The following SLC2A5 variants were observed in gnomAD, a reference collection of about 807,000 sequenced individuals.
The protein encoded by SLC2A5 is solute carrier family 2 member 5, also known as solute carrier family 2, facilitated glucose transporter member 5.
A neutral mutation model predicts 50.3 loss-of-function variants in SLC2A5; 56 were observed. That is an observed-to-expected ratio of 1.11 (90% CI 0.90 to 1.39). The LOEUF (loss-of-function observed/expected upper bound fraction) is 1.39. Among genes scored for constraint, SLC2A5 ranks in the 40% most tolerant of loss-of-function variants. The probability of loss-of-function intolerance (pLI) is 0.00; values close to 1 mark genes in which losing one functional copy is unlikely to be tolerated. For synonymous variants in SLC2A5, 269 were observed against 281.9 expected, an observed-to-expected ratio of 0.95 and a Z score of 0.46; for missense variants, 566 against 650.1, an observed-to-expected ratio of 0.87 and a Z score of 1.41.
At chr1:9,042,421 G>A (rs1412180180) in intron 4 of SLC2A5, among the ~76,000 whole-genome samples, 1 of 151,992 alleles carries the variant, frequency 6.6e-6, no homozygotes, top group Non-Finnish European at 1.5e-5. Flanking sequence ...GTGTGTGTGT[G>A]TGTGCGCGCG....
chr1:9,047,734 T>C lies in SLC2A5; in HGVS notation c.294A>G (p.Arg98=), dbSNP rs1641472344. The C allele has an allele frequency of 5.0e-6, 8 of 1,613,122 alleles. No individual in the cohort carries two copies. The highest frequency in any genetic ancestry group is 1.7e-5 in the Admixed American group (1 of 59,758). The change falls in exon 4 of 12, where the codon AGA becomes AGG. Residue 98 remains arginine (R), a splice_region_variant and synonymous_variant. Transcript: ENST00000377424. ...LVGPLVNKFG[R]KGALLFNNIF... ...TGTTGTTGAACAGCAAGGCCCCTTTTCTGCAGAGGACAAAATATCAGTTAG... is the reference window on the plus strand; with the variant it reads ...TGTTGTTGAACAGCAAGGCCCCTTTCCTGCAGAGGACAAAATATCAGTTAG...
At chr1:9,060,073 TAC>T (rs142027521) in intron 1 of SLC2A5, among the ~76,000 whole-genome samples, 41,337 of 119,384 alleles carry the variant, frequency 0.35, 6,494 homozygotes, top group East Asian at 0.61. Context: ...ATACACACAC[TAC>T]ACACACACAC....
At chr1:9,087,748 C>T (rs945936101) in intron 1 of SLC2A5, among the ~76,000 whole-genome samples, 5 of 152,226 alleles carry the variant, frequency 3.3e-5, no homozygotes, top group South Asian at 2.1e-4. Context: ...GGCTACTCTC[C>T]GGTGGGCTCT....
chr1:9,074,052 C>T (rs1642254805), upstream of SLC2A5, among the ~76,000 whole-genome samples: 1 of 151,736 alleles, frequency 6.6e-6, no homozygotes, highest in African/African-American at 2.4e-5. Flanking sequence ...TGCACTTCAG[C>T]CTGGGTGACA....
chr1:9,066,820 A>G (rs2124447423), intron 1 of SLC2A5, among the ~76,000 whole-genome samples: 1 of 151,852 alleles, frequency 6.6e-6, no homozygotes. Context: ...TCTTCAAAAT[A>G]TTTAAAAATT....
chr1:9,090,699 G>T (rs1293789233), upstream of SLC2A5, among the ~76,000 whole-genome samples: 1 of 151,938 alleles, frequency 6.6e-6, no homozygotes, highest in Non-Finnish European at 1.5e-5. Flanking sequence ...AAATCTTTTT[G>T]CTCTCACTTG....
intron 1 of SLC2A5, among the ~76,000 whole-genome samples, chr1:9,066,677 C>T (rs1420033634): frequency 6.6e-6 from 1 of 152,014 alleles, no homozygotes; most frequent in Admixed American, 6.6e-5. Context: ...CAGTGTTTGC[C>T]CTCTACATAG....
chr1:9,060,153 A>ACATACTACACACAC (rs1641886543), intron 1 of SLC2A5, among the ~76,000 whole-genome samples: 1 of 143,004 alleles, frequency 7.0e-6, no homozygotes, highest in African/African-American at 2.6e-5. Context: ...CATACACACT[A>ACATACTACACACAC]CACACACTAC....
chr1:9,051,015 G>A (rs1445180283), intron 3 of SLC2A5, among the ~76,000 whole-genome samples: 1 of 152,112 alleles, frequency 6.6e-6, no homozygotes, highest in African/African-American at 2.4e-5. Context: ...TTGCTCACGT[G>A]AAAGGGCCTC....
rs905798576 is a variant in SLC2A5, at chr1:9,037,452, A to T, written c.*134T>A. 3 of 735,650 alleles carry T rather than the reference A, an allele frequency of 4.1e-6. No homozygotes were observed. The highest frequency in any genetic ancestry group is 6.9e-6 in the Non-Finnish European group (3 of 433,294). The allele number at this position is 735,650 out of a possible 1,614,324, so 45.6% of individuals were successfully genotyped here. On this transcript the variant is annotated 3_prime_UTR_variant, in exon 12 of 12. Coordinates refer to ENST00000377424, the MANE Select transcript of SLC2A5 (RefSeq NM_003039.3). ...TTGCACAGTTCCCACTGGGGTGGGG[A>T]GGCTGGAGATGAGGACTGCATTCCA...
At chr1:9,055,463 G>C (rs1445862924) in intron 3 of SLC2A5, among the ~76,000 whole-genome samples, 1 of 152,118 alleles carries the variant, frequency 6.6e-6, no homozygotes, top group Non-Finnish European at 1.5e-5. Flanking sequence ...GTTGCAGTGT[G>C]CTGAGATCAC....
In SLC2A5 at chr1:9,037,733, G is replaced by C; in HGVS notation, c.1359C>G (p.Thr453=). 1 of 1,614,212 alleles carries C rather than the reference G, an allele frequency of 6.2e-7. No homozygotes were observed. Among genetic ancestry groups the C allele is most frequent in the Non-Finnish European group, 8.5e-7 (1 of 1,180,040 alleles). ...IVFAVICLLT[T]IYIFLIVPET... is the part of the protein sequence containing the mutation. ...CCGGGACAATCAAGAAGATGTAGAT[G>C]GTGGTGAGGAGGCAGATCACGGCGA... Residue 453 remains threonine, a synonymous_variant, in exon 12 of 12, where the codon ACC becomes ACG. Transcript: ENST00000377424.
chr1:9,088,175 T>C (rs2124489668), intron 1 of SLC2A5, among the ~76,000 whole-genome samples: 1 of 152,194 alleles, frequency 6.6e-6, no homozygotes, highest in East Asian at 1.9e-4. Context: ...CTCTTCTTAA[T>C]GAAAATCCTC....
upstream of SLC2A5, among the ~76,000 whole-genome samples, chr1:9,090,288 C>T (rs1044869385): frequency 2.0e-5 from 3 of 152,164 alleles, no homozygotes; most frequent in African/African-American, 7.2e-5. Flanking sequence ...CAAGTAAACC[C>T]CATAGTATGG....
intron 2 of SLC2A5, among the ~76,000 whole-genome samples, chr1:9,083,685 C>A (rs1186375079): frequency 6.6e-6 from 1 of 152,042 alleles, no homozygotes; most frequent in African/African-American, 2.4e-5. Context: ...ATTAGCAGGG[C>A]ATGGTGGCAC....
upstream of SLC2A5, chr1:9,072,996 C>A (rs530709429): frequency 2.6e-5 from 4 of 151,958 alleles, no homozygotes; most frequent in East Asian, 7.7e-4. Context: ...ATAAAAGTTA[C>A]TTTTCTGAAT....
chr1:9,038,290 C>T, intron 10 of SLC2A5, 141 bp downstream of exon 10: 1 of 718,898 alleles, frequency 1.4e-6, no homozygotes, highest in Non-Finnish European at 2.5e-6. Context: ...TATGTGCCAC[C>T]CACCCCCTTG....
chr1:9,044,329 T>TCAAA (rs1039667267), intron 4 of SLC2A5, among the ~76,000 whole-genome samples: 53 of 151,754 alleles, frequency 3.5e-4, no homozygotes, highest in African/African-American at 9.2e-4. Context: ...AGAGTCCATC[T>TCAAA]CAAACAAACA....
intron 1 of SLC2A5, among the ~76,000 whole-genome samples, chr1:9,063,423 A>C (rs1413475373): frequency 4.6e-5 from 7 of 151,860 alleles, no homozygotes; most frequent in African/African-American, 7.3e-5. Flanking sequence ...CCCAGGCTGG[A>C]GTGCAGTGGC....
Sources: gnomAD v4.1 joint callset for allele counts (sites outside exome capture counted in the v4.1 genomes callset) on GRCh38, gnomAD v4.1.1 for gene constraint, MANE v1.5 for transcripts, NCBI Gene and HGNC (gene_info 2026-07-23, HGNC 2026-07-21) for gene names.